DMD: variants seen among roughly 807,000 people sequenced by gnomAD.
DMD encodes the protein dystrophin.
A neutral mutation model predicts 330.1 loss-of-function variants in DMD; 63 were observed. The ratio of observed to expected loss-of-function variants is 0.19; its 90% CI spans 0.16 to 0.24. The LOEUF (loss-of-function observed/expected upper bound fraction) is 0.24. Among genes scored for constraint, DMD ranks in the 10% least tolerant of loss-of-function variants. The pLI, the probability that DMD is intolerant of heterozygous loss-of-function variation, is 1.00. For missense variants in DMD, 3,344 were observed against 2,684.1 expected (o/e 1.25, Z -5.43); for synonymous variants, 1,223 against 959.8 (o/e 1.27, Z -5.07).
chrX:32,978,991 C>A (rs1429417746), intron 2 of DMD, among the ~76,000 whole-genome samples: 1 of 111,816 alleles, frequency 8.9e-6, no homozygotes, highest in Non-Finnish European at 1.9e-5. Context: ...AATTATTTCT[C>A]CTAGACAGAA....
intron 57 of DMD, among the ~76,000 whole-genome samples, chrX:31,494,921 T>C (rs899073608): frequency 2.7e-5 from 3 of 111,932 alleles, no homozygotes; most frequent in Non-Finnish European, 5.6e-5. Flanking sequence ...TTGTAGAAAT[T>C]CTGTCTCATT....
chrX:32,586,474 G>A (rs1000917936), intron 13 of DMD, among the ~76,000 whole-genome samples: 1 of 108,187 alleles, frequency 9.2e-6, no homozygotes, highest in Non-Finnish European at 1.9e-5. Flanking sequence ...ATATATATTT[G>A]TACTTGTAAA....
chrX:33,004,479 C>T (rs976216963), intron 2 of DMD, among the ~76,000 whole-genome samples: 1 of 111,463 alleles, frequency 9.0e-6, no homozygotes, highest in Admixed American at 9.6e-5. Context: ...TTTTACAAAA[C>T]ACATTTTAAC....
intron 25 of DMD, among the ~76,000 whole-genome samples, chrX:32,456,838 T>TAC (rs762628552): frequency 9.2e-4 from 99 of 107,944 alleles, no homozygotes; most frequent in Non-Finnish European, 1.7e-3. Flanking sequence ...GACTGGGGTA[T>TAC]ACATCAGGAA....
chrX:31,544,456 G>A (rs1016987597), intron 55 of DMD, among the ~76,000 whole-genome samples: 1 of 110,987 alleles, frequency 9.0e-6, no homozygotes, highest in South Asian at 3.9e-4. Context: ...CCTGAAGCAG[G>A]TCATGAGACT....
At chrX:31,949,886 A>C (rs1267932968) in intron 45 of DMD, among the ~76,000 whole-genome samples, 1 of 106,374 alleles carries the variant, frequency 9.4e-6, no homozygotes, top group Non-Finnish European at 1.9e-5. Context: ...TGATTTTGGT[A>C]ATTCTTTTTT....
intron 33 of DMD, among the ~76,000 whole-genome samples, chrX:32,383,303 C>T (rs968600530): frequency 2.1e-4 from 23 of 110,865 alleles, no homozygotes; most frequent in Non-Finnish European, 4.0e-4. Flanking sequence ...GCAGCCAGAG[C>T]TGATTACTCC....
At chrX:32,999,750 T>G (rs1184625290) in intron 2 of DMD, among the ~76,000 whole-genome samples, 1 of 106,924 alleles carries the variant, frequency 9.4e-6, no homozygotes, top group Non-Finnish European at 1.9e-5. Flanking sequence ...CACTCCAGCC[T>G]GGGTGACAGA....
intron 64 of DMD, among the ~76,000 whole-genome samples, chrX:31,212,486 A>G (rs969816045): frequency 9.1e-6 from 1 of 110,338 alleles, no homozygotes; most frequent in African/African-American, 3.3e-5. Context: ...ACTTCAACAC[A>G]GGGATCCCAC....
intron 37 of DMD, among the ~76,000 whole-genome samples, chrX:32,349,792 T>G (rs1373736926): frequency 8.9e-6 from 1 of 111,883 alleles, no homozygotes; most frequent in Non-Finnish European, 1.9e-5. Flanking sequence ...TTAAGTGACC[T>G]ATTACAGTAC....
At chrX:32,739,200 A>C (rs1193237136) in intron 7 of DMD, among the ~76,000 whole-genome samples, 1 of 111,914 alleles carries the variant, frequency 8.9e-6, no homozygotes, top group East Asian at 2.8e-4. Context: ...CACAGCTAAA[A>C]AGTGGCAAGG....
chrX:32,708,889 A>C (rs941773107), intron 7 of DMD, among the ~76,000 whole-genome samples: 1 of 111,599 alleles, frequency 9.0e-6, no homozygotes, highest in Non-Finnish European at 1.9e-5. Flanking sequence ...TCAACAACTG[A>C]CAAAATAACT....
At chrX:32,292,745 A>G (rs1330614752) in intron 42 of DMD, among the ~76,000 whole-genome samples, 1 of 112,075 alleles carries the variant, frequency 8.9e-6, no homozygotes, top group Non-Finnish European at 1.9e-5. Flanking sequence ...AGTTAACAAT[A>G]AAACTTAGAG....
At chrX:32,683,309 T>G (rs1051949508) in intron 9 of DMD, among the ~76,000 whole-genome samples, 1 of 110,579 alleles carries the variant, frequency 9.0e-6, no homozygotes, top group Non-Finnish European at 1.9e-5. Flanking sequence ...ACCCAAAGGA[T>G]TATAAATCAT....
At chrX:32,057,633 T>C (rs2096187966) in intron 44 of DMD, among the ~76,000 whole-genome samples, 1 of 111,583 alleles carries the variant, frequency 9.0e-6, no homozygotes, top group South Asian at 3.7e-4. Context: ...TAAATGGAAA[T>C]ACATCTGATG....
At chrX:32,109,523 A>C (rs2096579756) in intron 44 of DMD, among the ~76,000 whole-genome samples, 1 of 110,934 alleles carries the variant, frequency 9.0e-6, no homozygotes, top group Non-Finnish European at 1.9e-5. Context: ...AATATCATAC[A>C]AAATTCATTA....
chrX:31,144,489 G>A (rs1276785680), intron 76 of DMD, among the ~76,000 whole-genome samples: 4 of 111,800 alleles, frequency 3.6e-5, no homozygotes, highest in African/African-American at 9.8e-5. Flanking sequence ...TCCCGACTGT[G>A]ATCTCCAAAT....
At chrX:31,216,551 G>A (rs1217426451) in intron 64 of DMD, among the ~76,000 whole-genome samples, 1 of 112,388 alleles carries the variant, frequency 8.9e-6, no homozygotes, top group East Asian at 2.8e-4. Context: ...AGAAAAAGTA[G>A]ATTTTTGTAG....
At chrX:32,275,720 G>C (rs1006732458) in intron 43 of DMD, among the ~76,000 whole-genome samples, 3 of 111,280 alleles carry the variant, frequency 2.7e-5, no homozygotes, top group Non-Finnish European at 5.7e-5. Context: ...GATTTTCAAA[G>C]AAGATCTTGA....
Sources: gnomAD v4.1 joint callset for allele counts (sites outside exome capture counted in the v4.1 genomes callset) on GRCh38, gnomAD v4.1.1 for gene constraint, MANE v1.5 for transcripts, NCBI Gene and HGNC (gene_info 2026-07-23, HGNC 2026-07-21) for gene names.